Variants in RPS6KA1 observed in about 807,000 individuals in gnomAD.
RPS6KA1 encodes ribosomal protein S6 kinase alpha-1.
A neutral mutation model predicts 91.3 loss-of-function variants in RPS6KA1; 48 were observed. That is an observed-to-expected ratio of 0.53 (90% confidence interval 0.42 to 0.67). The LOEUF (loss-of-function observed/expected upper bound fraction) is 0.67, where lower values mean the gene tolerates loss of function less well. RPS6KA1 is among the 30% of genes least tolerant of loss of function. RPS6KA1 has a pLI of 0.00. For missense variants in RPS6KA1, 719 were observed against 960.5 expected (o/e 0.75, Z 3.32); for synonymous variants, 359 against 384.7 (o/e 0.93, Z 0.78).
Position 26,555,682 on chromosome 1 carries a change from C to T in RPS6KA1, c.916+57C>T. On this transcript the variant is annotated intron_variant, in intron 11 of 21. Coordinates refer to ENST00000374168, the MANE Select transcript of RPS6KA1 (RefSeq NM_002953.4). The surrounding 1 kb of genome is among the most constrained non-coding windows in gnomAD (Gnocchi z 4.3). ...GGCGATGGGGAGCCGGGTACAGCTGCAGCCTAGGCCACAGGGCCACATCTG... is the reference window on the plus strand; with the variant it reads ...GGCGATGGGGAGCCGGGTACAGCTGTAGCCTAGGCCACAGGGCCACATCTG... 3 of 1,497,706 alleles carry T rather than the reference C, an allele frequency of 2.0e-6. No homozygotes were observed. The highest frequency in any genetic ancestry group is 2.7e-6 in the Non-Finnish European group (3 of 1,097,200). 92.8% of individuals were successfully genotyped at this position (1,497,706 alleles called of 1,614,324 possible).
chr1:26,547,896 G>A lies in RPS6KA1; in HGVS notation c.307+626G>A, dbSNP rs545071436. Among the ~76,000 whole-genome samples the A allele has an allele frequency of 1.3e-5, 2 of 152,298 alleles. No homozygotes were observed. The highest frequency in any genetic ancestry group is 2.1e-4 in the South Asian group (1 of 4,828). On this transcript the variant is annotated intron_variant, in intron 4 of 21. Coordinates refer to ENST00000374168, the MANE Select transcript of RPS6KA1 (RefSeq NM_002953.4). The surrounding 1 kb of genome is among the most constrained non-coding windows in gnomAD (Gnocchi z 4.1). ...CTCTTTAAATAAGTCAAGGCCGGGC[G>A]CGGTGGCTCACACCTGTAATCCCAG...
chr1:26,536,377 C>T (rs993150858), intron 1 of RPS6KA1, among the ~76,000 whole-genome samples: 1 of 152,174 alleles, frequency 6.6e-6, no homozygotes, highest in Non-Finnish European at 1.5e-5. Flanking sequence ...AGCAGTCATT[C>T]TGCCTGGCAA....
chr1:26,555,169 TCCCTGC>T lies in RPS6KA1; in HGVS notation c.778_783del (p.Leu260_Pro261del). ...TCTGCAGTTTGAGATGCTGACGGGC[TCCCTGC>T]CCTTCCAGGGGAAGGACCGGAAGGA... On this transcript the variant is annotated inframe_deletion, in exon 10 of 22. Coordinates refer to ENST00000374168, the MANE Select transcript of RPS6KA1 (RefSeq NM_002953.4). This position sits in a 1 kb window ranked among gnomAD's most constrained non-coding sequence, Gnocchi z 4.3. The T allele has an allele frequency of 6.2e-7, 1 of 1,614,066 alleles. No homozygotes were observed. Among genetic ancestry groups the T allele is most frequent in the South Asian group, 1.1e-5 (1 of 91,070 alleles).
Position 26,554,015 on chromosome 1 carries a change from G to A in RPS6KA1, c.576-199G>A. ...GCCCTAATAGTACTTGCCTCACACA[G>A]TTGCTTCAAGGATTAGCAAAAAAGA... On this transcript the variant is annotated intron_variant, in intron 7 of 21. Coordinates refer to ENST00000374168, the MANE Select transcript of RPS6KA1 (RefSeq NM_002953.4). The surrounding 1 kb of genome is among the most constrained non-coding windows in gnomAD (Gnocchi z 4.6). 1.8e-6 allele frequency: 1 copy of A among 558,158 alleles called. No homozygotes were observed. The highest frequency in any genetic ancestry group is 3.2e-6 in the Non-Finnish European group (1 of 311,630). The allele number at this position is 558,158 out of a possible 1,614,324, so 34.6% of individuals were successfully genotyped here. A position where few individuals can be genotyped will look rare whatever the true frequency, so the allele number is the denominator to read the frequency against.
chr1:26,569,419 T>C (rs771541386), intron 17 of RPS6KA1, among the ~76,000 whole-genome samples: 10 of 152,044 alleles, frequency 6.6e-5, no homozygotes, highest in Non-Finnish European at 8.8e-5. Context: ...GGGCATACGA[T>C]TGTGTTTGAA....
rs1164945848 is a variant in RPS6KA1 at position 26,546,972 on chromosome 1, TC to T, written c.216del (p.Phe73LeufsTer21). The T allele has an allele frequency of 6.2e-7, 1 of 1,613,680 alleles. No individual in the cohort carries two copies. The highest frequency in any genetic ancestry group is 8.5e-7 in the Non-Finnish European group (1 of 1,179,694). On this transcript the variant is annotated frameshift_variant, in exon 3 of 22. Coordinates refer to ENST00000374168, the MANE Select transcript of RPS6KA1 (RefSeq NM_002953.4). LOFTEE classifies it high-confidence loss of function. ...FELLKVLGQG[S>X]FGKVFLVRKV... ...GCTCCTCAAGGTTCTGGGCCAGGGATCCTTTGGCAAAGTGAGTCATGAGCCC... is the reference window on the plus strand; with the variant it reads ...GCTCCTCAAGGTTCTGGGCCAGGGATCTTTGGCAAAGTGAGTCATGAGCCC...
At chr1:26,553,994 TA>T (rs2076076347) in intron 7 of RPS6KA1, 1 of 516,094 alleles carries the variant, frequency 1.9e-6, no homozygotes, top group Non-Finnish European at 3.5e-6. Context: ...AACGGGGCCC[TA>T]ATAGTACTTG....
rs2075869572 is a variant in RPS6KA1, at chr1:26,531,824, TGTCTG to T, written c.63+1845_63+1849del. ...GAGGGTGCAGAGCGCTGGGTACTGT[TGTCTG>T]GTCCCCCCTCCCCCACTCCTGGAGG... is the stretch of plus-strand genomic sequence containing the variant. On this transcript the variant is annotated intron_variant, in intron 1 of 21. Transcript: ENST00000374168. Among the ~76,000 whole-genome samples the T allele has an allele frequency of 2.0e-5, 3 of 152,126 alleles. No homozygotes were observed. The South Asian group carries it at 6.2e-4, about 31-fold the overall frequency.
At chr1:26,557,231 G>A (rs1038415519) in intron 13 of RPS6KA1, 131 bp downstream of exon 13, 14 of 673,152 alleles carry the variant, frequency 2.1e-5, no homozygotes, top group Middle Eastern at 2.9e-4. Context: ...AGGCGGGTGA[G>A]TTTCTGGCTC....
In RPS6KA1 at chr1:26,571,684, A is replaced by G. The variant is rs1418420604; in HGVS notation, c.1752+74A>G. ...CCTTGTGCCCCCTCCCAGAGGCCCC[A>G]CATTAGCCGGGACTCCAGTCTCTGT... On this transcript the variant is annotated intron_variant, in intron 18 of 21. Transcript: ENST00000374168. The surrounding 1 kb of genome is among the most constrained non-coding windows in gnomAD (Gnocchi z 5.1). The G allele has an allele frequency of 7.7e-6, 12 of 1,552,910 alleles. No homozygotes were observed. The highest frequency in any genetic ancestry group is 1.4e-5 in the African/African-American group (1 of 73,534).
At position 26,573,256 on chromosome 1, in the gene RPS6KA1, C is replaced by T. The variant is rs1420676511; in HGVS notation, c.1980C>T (p.Pro660=). ...TGTCCAAGATGCTACACGTGGATCC[C>T]CACCAGCGCCTCACAGCTAAGCAGG... ...DLVSKMLHVD[P]HQRLTAKQVL... The change falls in exon 21 of 22, where the codon CCC becomes CCT. Residue 660 remains proline (P), a synonymous_variant. Coordinates refer to ENST00000374168, the MANE Select transcript of RPS6KA1 (RefSeq NM_002953.4). 3.1e-6 allele frequency: 5 copies of T among 1,614,164 alleles called. No homozygotes were observed. The highest frequency in any genetic ancestry group is 3.4e-6 in the Non-Finnish European group (4 of 1,180,014).
chr1:26,571,968 T>A lies in RPS6KA1; in HGVS notation c.1829+43T>A. ...GGACCCTTCCCCACTCCTGCAGCCC[T>A]AGCACTTGGGCTGAGTGGTGCTTGT... is the stretch of plus-strand genomic sequence containing the variant. On this transcript the variant is annotated intron_variant, in intron 19 of 21. Transcript: ENST00000374168. The surrounding 1 kb of genome is among the most constrained non-coding windows in gnomAD (Gnocchi z 5.1). 2 of 1,558,228 alleles carry A rather than the reference T, an allele frequency of 1.3e-6. No homozygotes were observed. The highest frequency in any genetic ancestry group is 1.8e-6 in the Non-Finnish European group (2 of 1,134,506).
chr1:26,572,338 A>G, intron 20 of RPS6KA1, 45 bp downstream of exon 20: 1 of 1,352,008 alleles, frequency 7.4e-7, no homozygotes, highest in Non-Finnish European at 1.1e-6. Context: ...GGAGGGAGGC[A>G]GGGTCCCATC....
At chr1:26,569,634 C>G (rs1029178751) in intron 17 of RPS6KA1, among the ~76,000 whole-genome samples, 3 of 152,240 alleles carry the variant, frequency 2.0e-5, no homozygotes, top group African/African-American at 7.2e-5. Flanking sequence ...AAAAGACTAT[C>G]TGAATAAAAC....
Position 26,554,265 on chromosome 1 carries a change from GC to G in RPS6KA1, c.613+16del. ...TCAAACTCACTGGTGAGTGGAGGGC[GC>G]CTGCCCCCTCGGGACCCAGGGGAGG... On this transcript the variant is annotated intron_variant, in intron 8 of 21. Transcript: ENST00000374168. This position sits in a 1 kb window ranked among gnomAD's most constrained non-coding sequence, Gnocchi z 4.6. 6.4e-7 allele frequency: 1 copy of G among 1,556,492 alleles called. No individual in the cohort carries two copies. The highest frequency in any genetic ancestry group is 1.4e-5 in the African/African-American group (1 of 73,466).
At chr1:26,530,878 T>A in intron 1 of RPS6KA1, 9 of 1,279,454 alleles carry the variant, frequency 7.0e-6, no homozygotes, top group Non-Finnish European at 9.2e-6. Context: ...ACTTCCTCCT[T>A]AACCTCTTGC....
chr1:26,548,168 C>A (rs1040694371), intron 4 of RPS6KA1, among the ~76,000 whole-genome samples: 1 of 152,048 alleles, frequency 6.6e-6, no homozygotes, highest in African/African-American at 2.4e-5. Context: ...TGGAAGTCAT[C>A]CCCCAGGAGG....
chr1:26,559,072 G>A, intron 14 of RPS6KA1, 135 bp downstream of exon 14: 1 of 1,025,920 alleles, frequency 9.7e-7, no homozygotes. Context: ...ACATAAAACA[G>A]GGACAGTAAG....
chr1:26,561,042 C>T lies in RPS6KA1; in HGVS notation c.1342-3C>T. 6.2e-7 allele frequency: 1 copy of T among 1,613,600 alleles called. No individual in the cohort carries two copies. The highest frequency in any genetic ancestry group is 8.5e-7 in the Non-Finnish European group (1 of 1,179,822). ...CACTGCCACATGCACCCCCTTTCTT[C>T]AGGTCATTGATAAGAGCAAGCGGGA... On this transcript the variant is annotated splice_region_variant and splice_polypyrimidine_tract_variant and intron_variant, in intron 15 of 21. Transcript: ENST00000374168. This position sits in a 1 kb window ranked among gnomAD's most constrained non-coding sequence, Gnocchi z 5.7.
Sources: gnomAD v4.1 joint callset for allele counts (sites outside exome capture counted in the v4.1 genomes callset) on GRCh38, gnomAD v4.1.1 for gene constraint, Gnocchi (gnomAD v3.1) non-coding constraint, MANE v1.5 for transcripts, NCBI Gene and HGNC (gene_info 2026-07-23, HGNC 2026-07-21) for gene names.